HS3ST3A1: variants seen among roughly 807,000 people sequenced by gnomAD.
The protein encoded by HS3ST3A1 is heparan sulfate glucosamine 3-O-sulfotransferase 3A1.
In HS3ST3A1, 19 loss-of-function variants were observed where a neutral mutation model predicts 25.7. The ratio of observed to expected loss-of-function variants is 0.74; its 90% CI spans 0.52 to 1.08. HS3ST3A1 has a LOEUF of 1.08. Ranked by LOEUF, HS3ST3A1 falls within the 50% of genes least tolerant of loss-of-function variation. The pLI is 0.00. For synonymous variants in HS3ST3A1, 226 were observed against 278.6 expected (o/e 0.81, Z 1.88); for missense variants, 459 against 594.3 (o/e 0.77, Z 2.37).
intron 1 of HS3ST3A1, among the ~76,000 whole-genome samples, chr17:13,577,867 GGTGT>G (rs202098377): frequency 3.3e-5 from 5 of 151,068 alleles, no homozygotes; most frequent in Non-Finnish European, 3.0e-5. Flanking sequence ...AGCAGTTTCT[GGTGT>G]GTGTGTGTGT....
chr17:13,511,653 T>G (rs1321168785), intron 1 of HS3ST3A1, among the ~76,000 whole-genome samples: 1 of 151,432 alleles, frequency 6.6e-6, no homozygotes, highest in Non-Finnish European at 1.5e-5. Flanking sequence ...TGTATAAATA[T>G]GTAGGTCTAG....
At chr17:13,501,637 C>T (rs887305433) in intron 1 of HS3ST3A1, among the ~76,000 whole-genome samples, 1 of 152,036 alleles carries the variant, frequency 6.6e-6, no homozygotes, top group East Asian at 2.0e-4. Flanking sequence ...CATCTCTATG[C>T]TCAGTTTATT....
At chr17:13,573,222 T>C (rs989770482) in intron 1 of HS3ST3A1, among the ~76,000 whole-genome samples, 2 of 152,160 alleles carry the variant, frequency 1.3e-5, no homozygotes, top group African/African-American at 4.8e-5. Flanking sequence ...CCTCTCTGAA[T>C]GCATTTTAGA....
chr17:13,539,480 T>C (rs1216210956), intron 1 of HS3ST3A1, among the ~76,000 whole-genome samples: 1 of 152,226 alleles, frequency 6.6e-6, no homozygotes, highest in Admixed American at 6.5e-5. Context: ...CTCCATAATT[T>C]CACTTCACAG....
chr17:13,557,809 T>C (rs1173858937), intron 1 of HS3ST3A1, among the ~76,000 whole-genome samples: 2 of 152,076 alleles, frequency 1.3e-5, no homozygotes, highest in Non-Finnish European at 2.9e-5. Flanking sequence ...ACAATGTAGG[T>C]CATTGAATGT....
chr17:13,537,236 GGAA>G (rs1906797650), intron 1 of HS3ST3A1, among the ~76,000 whole-genome samples: 1 of 152,200 alleles, frequency 6.6e-6, no homozygotes, highest in South Asian at 2.1e-4. Flanking sequence ...AGGCAGGTTA[GGAA>G]TACAATCTTT....
At chr17:13,561,856 G>A (rs940580129) in intron 1 of HS3ST3A1, among the ~76,000 whole-genome samples, 13 of 152,034 alleles carry the variant, frequency 8.6e-5, no homozygotes, top group African/African-American at 2.9e-4. Flanking sequence ...GCCAATGTCC[G>A]GATCCCAGGG....
intron 1 of HS3ST3A1, among the ~76,000 whole-genome samples, chr17:13,521,153 C>T (rs28485048): frequency 0.017 from 2,662 of 152,196 alleles, 74 homozygotes; most frequent in African/African-American, 0.061. Flanking sequence ...GCCTCTTGGC[C>T]GGGTTGGTCT....
intron 1 of HS3ST3A1, among the ~76,000 whole-genome samples, chr17:13,545,299 G>C (rs1479296208): frequency 6.6e-6 from 1 of 152,226 alleles, no homozygotes; most frequent in Admixed American, 6.5e-5. Context: ...AAAGCAGTGT[G>C]AGAGGGACCT....
At chr17:13,525,080 G>A (rs73982030) in intron 1 of HS3ST3A1, among the ~76,000 whole-genome samples, 10,192 of 152,110 alleles carry the variant, frequency 0.067, 752 homozygotes, top group African/African-American at 0.18. Context: ...GAGTATGTAT[G>A]TATGAGTGTG....
chr17:13,565,019 G>T (rs1199405525), intron 1 of HS3ST3A1, among the ~76,000 whole-genome samples: 1 of 152,042 alleles, frequency 6.6e-6, no homozygotes, highest in African/African-American at 2.4e-5. Flanking sequence ...ATCGTGCCTG[G>T]ATGAAATTTG....
At chr17:13,597,156 C>G (rs1171786619) in intron 1 of HS3ST3A1, among the ~76,000 whole-genome samples, 1 of 152,058 alleles carries the variant, frequency 6.6e-6, no homozygotes, top group Non-Finnish European at 1.5e-5. Flanking sequence ...TATTTCCTAT[C>G]TTGTACCAAA....
At chr17:13,573,562 T>C (rs941412998) in intron 1 of HS3ST3A1, among the ~76,000 whole-genome samples, 6 of 152,178 alleles carry the variant, frequency 3.9e-5, no homozygotes, top group Non-Finnish European at 1.5e-5. Context: ...TCTCCAGTCT[T>C]TCCTGGTCCA....
At chr17:13,570,777 T>A (rs990792708) in intron 1 of HS3ST3A1, among the ~76,000 whole-genome samples, 1 of 152,252 alleles carries the variant, frequency 6.6e-6, no homozygotes, top group Non-Finnish European at 1.5e-5. Context: ...GCCTACAACT[T>A]ATTTAAACAC....
intron 1 of HS3ST3A1, among the ~76,000 whole-genome samples, chr17:13,539,020 G>A (rs377221520): frequency 1.5e-4 from 23 of 152,280 alleles, no homozygotes; most frequent in African/African-American, 5.1e-4. Flanking sequence ...TTTAGTTGAC[G>A]GAGAGGTCAG....
At chr17:13,545,765 T>C (rs1907069807) in intron 1 of HS3ST3A1, among the ~76,000 whole-genome samples, 1 of 152,088 alleles carries the variant, frequency 6.6e-6, no homozygotes, top group Admixed American at 6.5e-5. Flanking sequence ...TCACTTGAGG[T>C]CAGGAGTTCG....
rs1051091434 is a variant in HS3ST3A1 at position 13,509,966 on chromosome 17, C to G, written c.600-13148G>C. Among the ~76,000 whole-genome samples, 50 of 152,188 alleles carry G rather than the reference C, an allele frequency of 3.3e-4. 1 individual carries two copies. Among genetic ancestry groups the G allele is most frequent in the Non-Finnish European group, 4.4e-5 (3 of 68,026 alleles). Reference sequence around the variant, plus strand: ...TGATTATCTGAAAAACAAAATTCATCTTGGGGGCTGGGGGTGGAATTCCCT... The same window carrying G: ...TGATTATCTGAAAAACAAAATTCATGTTGGGGGCTGGGGGTGGAATTCCCT... On this transcript the variant is annotated intron_variant, in intron 1 of 1. Transcript: ENST00000284110.
chr17:13,595,742 C>G (rs927569367), intron 1 of HS3ST3A1, among the ~76,000 whole-genome samples: 3 of 152,138 alleles, frequency 2.0e-5, no homozygotes, highest in Non-Finnish European at 4.4e-5. Context: ...CCTAAGGAAA[C>G]GAGCTAAGAA....
Position 13,565,916 on chromosome 17 carries a change from A to G in HS3ST3A1, c.599+34615T>C, listed in dbSNP as rs79175782. ...AGTCTATACTCCGAGTGTGTAAACCACCCTTTTACAGTTCCATCTTTTTAT... is the reference window on the plus strand; with the variant it reads ...AGTCTATACTCCGAGTGTGTAAACCGCCCTTTTACAGTTCCATCTTTTTAT... On this transcript the variant is annotated intron_variant, in intron 1 of 1. Coordinates refer to ENST00000284110, the MANE Select transcript of HS3ST3A1 (RefSeq NM_006042.3). Among the ~76,000 whole-genome samples, 1,479 of 152,194 alleles carry G rather than the reference A, an allele frequency of 9.7e-3. 16 individuals are homozygous for G. Among genetic ancestry groups the G allele is most frequent in the African/African-American group, 0.033 (1,382 of 41,512 alleles).
Sources: gnomAD v4.1 joint callset for allele counts (sites outside exome capture counted in the v4.1 genomes callset) on GRCh38, gnomAD v4.1.1 for gene constraint, MANE v1.5 for transcripts, NCBI Gene and HGNC (gene_info 2026-07-23, HGNC 2026-07-21) for gene names.